SLC5A3: variants seen among roughly 807,000 people sequenced by gnomAD.
SLC5A3 encodes solute carrier family 5 member 3.
A neutral mutation model predicts 43.2 loss-of-function variants in SLC5A3; 10 were observed. That is an observed-to-expected ratio of 0.23 (90% CI 0.14 to 0.39). The LOEUF (loss-of-function observed/expected upper bound fraction) is 0.39, where lower values mean the gene tolerates loss of function less well. Ranked by LOEUF, SLC5A3 falls within the 10% of genes least tolerant of loss-of-function variation. The pLI is 1.00. For missense variants in SLC5A3, 608 were observed against 893.4 expected (o/e 0.68, Z 4.07); for synonymous variants, 349 against 322.0 (o/e 1.08, Z -0.90).
rs533974191 is a variant in SLC5A3 at position 34,091,308 on chromosome 21, G to A, written c.-336-3555G>A. ...CTTATGACTTGAAGCCCTGAGTATAGGAGATAATTTTTCTTGTTCCTTGTT... is the reference window on the plus strand; with the variant it reads ...CTTATGACTTGAAGCCCTGAGTATAAGAGATAATTTTTCTTGTTCCTTGTT... On this transcript the variant is annotated intron_variant, in intron 1 of 1. Transcript: ENST00000381151. 8.7e-4 allele frequency among the ~76,000 whole-genome samples: 133 copies of A among 152,256 alleles called. 1 individual carries two copies. In the South Asian group the frequency reaches 0.014, roughly 16 times the overall value.
At chr21:34,075,699 A>G (rs1226763659) in intron 1 of SLC5A3, among the ~76,000 whole-genome samples, 1 of 152,216 alleles carries the variant, frequency 6.6e-6, no homozygotes, top group Non-Finnish European at 1.5e-5. Flanking sequence ...AAATAAAGTA[A>G]TATTAAACAA....
At chr21:34,080,958 T>C (rs1989445680) in intron 1 of SLC5A3, among the ~76,000 whole-genome samples, 1 of 152,218 alleles carries the variant, frequency 6.6e-6, no homozygotes, top group Non-Finnish European at 1.5e-5. Flanking sequence ...TTATGACAGG[T>C]AATCTTGTTT....
In SLC5A3 at chr21:34,096,730, A is replaced by G; in HGVS notation, c.1532A>G (p.Tyr511Cys). ...NRPGFIKDIHYMYVATGLFWV... is the reference protein window; with the variant it reads ...NRPGFIKDIHCMYVATGLFWV... The stretch of plus-strand genomic sequence containing the variant: ...CCGGGCTTCATCAAAGACATCCATT[A>G]TATGTATGTGGCCACAGGATTGTTT... Residue 511 changes from tyrosine to cysteine, a missense_variant, in exon 2 of 2, where the codon TAT (tyrosine) becomes TGT (cysteine). This residue lies in a region of SLC5A3 where 398 missense variants were observed against 668.6 expected (regional missense o/e 0.60). Coordinates refer to ENST00000381151, the MANE Select transcript of SLC5A3 (RefSeq NM_006933.7). This position sits in a 1 kb window ranked among gnomAD's most constrained non-coding sequence, Gnocchi z 5.9. 2 of 1,614,076 alleles carry G rather than the reference A, an allele frequency of 1.2e-6. No individual in the cohort carries two copies. The highest frequency in any genetic ancestry group is 1.7e-6 in the Non-Finnish European group (2 of 1,179,984).
At chr21:34,076,741 C>G (rs1989341876) in intron 1 of SLC5A3, among the ~76,000 whole-genome samples, 1 of 152,184 alleles carries the variant, frequency 6.6e-6, no homozygotes, top group Non-Finnish European at 1.5e-5. Flanking sequence ...TGTTGTGAAA[C>G]TAGGCCTTTA....
At position 34,097,997 on chromosome 21, in the gene SLC5A3, T is replaced by C; in HGVS notation, c.*642T>C. On this transcript the variant is annotated 3_prime_UTR_variant, in exon 2 of 2. Transcript: ENST00000381151. ...GAAAAACTTTGTTCCAGTTCCTTTT[T>C]TTTTTTCTTTCTACTTTCAAGTTTA... 1.0e-6 allele frequency: 1 copy of C among 999,206 alleles called. No individual in the cohort carries two copies. Among genetic ancestry groups the C allele is most frequent in the South Asian group, 4.7e-5 (1 of 21,260 alleles). 61.9% of individuals were successfully genotyped at this position (999,206 alleles called of 1,614,324 possible). A position where few individuals can be genotyped will look rare whatever the true frequency, so the allele number is the denominator to read the frequency against.
chr21:34,075,943 T>C (rs1989319795), intron 1 of SLC5A3, among the ~76,000 whole-genome samples: 1 of 152,210 alleles, frequency 6.6e-6, no homozygotes, highest in African/African-American at 2.4e-5. Context: ...AAACCACAGT[T>C]CTAACCCGAG....
In SLC5A3 at chr21:34,099,636, C is replaced by T. The variant is rs1979143302; in HGVS notation, c.*2281C>T. 1.0e-6 allele frequency: 1 copy of T among 997,822 alleles called. No homozygotes were observed. Among genetic ancestry groups the T allele is most frequent in the East Asian group, 1.1e-4 (1 of 8,798 alleles). The allele number at this position is 997,822 out of a possible 1,614,324, so 61.8% of individuals were successfully genotyped here. On this transcript the variant is annotated 3_prime_UTR_variant, in exon 2 of 2. Transcript: ENST00000381151. ...TTTCTCCCTTTATTTAACATTGAGT[C>T]CTAGTAGTTTGGAGAATTAGGGTCC...
In SLC5A3 at chr21:34,100,183, G is replaced by A. The variant is rs1416628846; in HGVS notation, c.*2828G>A. ...GAGGACACTGGTCTTGGAAGGTAGA[G>A]AAAAATAAATGTCTTACCAGGTGTT... On this transcript the variant is annotated 3_prime_UTR_variant, in exon 2 of 2. Coordinates refer to ENST00000381151, the MANE Select transcript of SLC5A3 (RefSeq NM_006933.7). The A allele has an allele frequency of 2.0e-6, 2 of 1,000,184 alleles. No individual in the cohort carries two copies. The highest frequency in any genetic ancestry group is 2.4e-6 in the Non-Finnish European group (2 of 829,942). 62.0% of individuals were successfully genotyped at this position (1,000,184 alleles called of 1,614,324 possible).
Position 34,096,881 on chromosome 21 carries a change from AGAG to A in SLC5A3, c.1686_1688del (p.Glu563del). On this transcript the variant is annotated inframe_deletion, in exon 2 of 2. Coordinates refer to ENST00000381151, the MANE Select transcript of SLC5A3 (RefSeq NM_006933.7). The surrounding 1 kb of genome is among the most constrained non-coding windows in gnomAD (Gnocchi z 5.9). ...TGGTGAAGGAGAACTGCTCCCCAAAAGAGGAACCATACAAAATGCAAGAAAAGA... is the reference window on the plus strand; with the variant it reads ...TGGTGAAGGAGAACTGCTCCCCAAAAGAACCATACAAAATGCAAGAAAAGA... The A allele has an allele frequency of 1.2e-6, 2 of 1,614,150 alleles. No individual in the cohort carries two copies. Among genetic ancestry groups the A allele is most frequent in the Non-Finnish European group, 1.7e-6 (2 of 1,179,996 alleles).
intron 1 of SLC5A3, among the ~76,000 whole-genome samples, chr21:34,093,832 A>G (rs1488353177): frequency 1.3e-5 from 2 of 152,184 alleles, no homozygotes; most frequent in African/African-American, 4.8e-5. Flanking sequence ...GATTATCTTA[A>G]TCCAGAACTG....
chr21:34,086,137 C>T (rs1978362331), intron 1 of SLC5A3, among the ~76,000 whole-genome samples: 1 of 152,156 alleles, frequency 6.6e-6, no homozygotes, highest in South Asian at 2.1e-4. Context: ...GTCACTTATG[C>T]TGTTTATATA....
Position 34,098,573 on chromosome 21 carries a change from A to G in SLC5A3, c.*1218A>G, listed in dbSNP as rs1473334080. 3 of 1,000,298 alleles carry G rather than the reference A, an allele frequency of 3.0e-6. No homozygotes were observed. The highest frequency in any genetic ancestry group is 3.5e-5 in the African/African-American group (2 of 57,358). The allele number at this position is 1,000,298 out of a possible 1,614,324, so 62.0% of individuals were successfully genotyped here. A position where few individuals can be genotyped will look rare whatever the true frequency, so the allele number is the denominator to read the frequency against. On this transcript the variant is annotated 3_prime_UTR_variant, in exon 2 of 2. Transcript: ENST00000381151. ...TGCAAACTGGCCGTCGGTAACAGAA[A>G]ACTCAGTGCATACTTTGCTGTTGTT... is the stretch of plus-strand genomic sequence containing the variant.
rs560478317 is a variant in SLC5A3, at chr21:34,106,051, C to A, written c.*8696C>A. 6 of 996,972 alleles carry A rather than the reference C, an allele frequency of 6.0e-6. No homozygotes were observed. Among genetic ancestry groups the A allele is most frequent in the Non-Finnish European group, 6.0e-6 (5 of 827,098 alleles). 61.8% of individuals were successfully genotyped at this position (996,972 alleles called of 1,614,324 possible). A position where few individuals can be genotyped will look rare whatever the true frequency, so the allele number is the denominator to read the frequency against. On this transcript the variant is annotated 3_prime_UTR_variant, in exon 2 of 2. Transcript: ENST00000381151. ...AAGAGCTGTCAGTTTTCATTACTGA[C>A]TCTGTAAAATACACTGTTCTTTGTG... is the stretch of plus-strand genomic sequence containing the variant.
Position 34,095,592 on chromosome 21 carries a change from A to G in SLC5A3, c.394A>G (p.Ile132Val). 2 of 1,612,382 alleles carry G rather than the reference A, an allele frequency of 1.2e-6. No individual in the cohort carries two copies. Among genetic ancestry groups the G allele is most frequent in the Non-Finnish European group, 1.7e-6 (2 of 1,179,658 alleles). Residue 132 changes from isoleucine to valine, a missense_variant, in exon 2 of 2, where the codon ATT becomes GTT. By Grantham distance (29) the Ile-to-Val change is conservative. This residue lies in a region of SLC5A3 where 398 missense variants were observed against 668.6 expected (regional missense o/e 0.60). Coordinates refer to ENST00000381151, the MANE Select transcript of SLC5A3 (RefSeq NM_006933.7). ...IQVYFAALSL[I>V]LYIFTKLSVD... ...GGTCTATTTTGCAGCCTTGTCTCTG[A>G]TTCTCTATATTTTCACCAAGCTCTC...
chr21:34,097,533 A>G lies in SLC5A3; in HGVS notation c.*178A>G. 7.2e-7 allele frequency: 1 copy of G among 1,383,334 alleles called. No individual in the cohort carries two copies. The highest frequency in any genetic ancestry group is 9.4e-7 in the Non-Finnish European group (1 of 1,065,990). The allele number at this position is 1,383,334 out of a possible 1,614,324, so 85.7% of individuals were successfully genotyped here. A position where few individuals can be genotyped will look rare whatever the true frequency, so the allele number is the denominator to read the frequency against. ...TTTTCCCAGAGATGGATTAAAGTAA[A>G]TCTTCAACTTAAGTGAAGCCAAACC... On this transcript the variant is annotated 3_prime_UTR_variant, in exon 2 of 2. Coordinates refer to ENST00000381151, the MANE Select transcript of SLC5A3 (RefSeq NM_006933.7).
chr21:34,091,046 CTG>C (rs953048070), intron 1 of SLC5A3, among the ~76,000 whole-genome samples: 2 of 152,128 alleles, frequency 1.3e-5, no homozygotes, highest in African/African-American at 4.8e-5. Flanking sequence ...TCAGAGGTGT[CTG>C]TGTGTTCTAT....
At chr21:34,074,106 C>T (rs1000933178) in intron 1 of SLC5A3, among the ~76,000 whole-genome samples, 2 of 148,362 alleles carry the variant, frequency 1.3e-5, no homozygotes, top group Non-Finnish European at 1.5e-5. Context: ...CGCGCGGGCG[C>T]CCAGCCCGAC....
intron 1 of SLC5A3, among the ~76,000 whole-genome samples, chr21:34,090,648 G>A (rs1978638329): frequency 1.3e-5 from 2 of 152,160 alleles, no homozygotes; most frequent in Admixed American, 1.3e-4. Context: ...AGGTTGTAGG[G>A]AGTAAACTGA....
chr21:34,091,005 C>T (rs1194920457), intron 1 of SLC5A3, among the ~76,000 whole-genome samples: 1 of 125,616 alleles, frequency 8.0e-6, no homozygotes, highest in Non-Finnish European at 1.7e-5. Context: ...GTAGGTTACA[C>T]AAAAGTGATT....
Sources: allele counts gnomAD v4.1 joint callset (sites outside exome capture counted in the v4.1 genomes callset), GRCh38; gene constraint gnomAD v4.1.1; regional missense constraint gnomAD v4.1.1; non-coding constraint Gnocchi (gnomAD v3.1); transcripts MANE v1.5; gene names NCBI Gene and HGNC (gene_info 2026-07-23, HGNC 2026-07-21).